Variants in ATOSA observed in about 807,000 individuals in gnomAD.
ATOSA encodes atos homolog A, also known as atos homolog protein A.
At chr15:52,643,445 C>T in the ATOSA span, among the ~76,000 whole-genome samples, 3 of 148,586 alleles carry the variant, frequency 2.0e-5, no homozygotes, top group African/African-American at 7.4e-5. Flanking sequence ...GCATGCACCA[C>T]CTCACCTGGC....
At chr15:52,636,926 A>G in the ATOSA span, among the ~76,000 whole-genome samples, 1 of 152,172 alleles carries the variant, frequency 6.6e-6, no homozygotes, top group Non-Finnish European at 1.5e-5. Flanking sequence ...GCATGCTCAG[A>G]TTAATAGTGT....
At chr15:52,600,057 C>A in the ATOSA span, 1 of 643,952 alleles carries the variant, frequency 1.6e-6, no homozygotes, top group South Asian at 2.2e-5. Flanking sequence ...AAGTTAAAGA[C>A]ATATAAAATG....
the ATOSA span, among the ~76,000 whole-genome samples, chr15:52,623,946 C>T: frequency 2.0e-5 from 3 of 152,302 alleles, no homozygotes; most frequent in South Asian, 6.2e-4. Context: ...GAAGTTTTAA[C>T]TGCTTCTCTT....
chr15:52,632,826 G>T, the ATOSA span, among the ~76,000 whole-genome samples: 2 of 152,150 alleles, frequency 1.3e-5, no homozygotes, highest in African/African-American at 4.8e-5. Flanking sequence ...GGAATGCCAT[G>T]AAGCATAAAA....
At chr15:52,593,678 T>A in the ATOSA span, 1 of 1,559,050 alleles carries the variant, frequency 6.4e-7, no homozygotes, top group Non-Finnish European at 8.7e-7. Context: ...TGCCCCTACC[T>A]CGGCAGTAAA....
chr15:52,656,985 T>A, the ATOSA span: 1 of 152,176 alleles, frequency 6.6e-6, no homozygotes, highest in African/African-American at 2.4e-5. Flanking sequence ...CATTTTTTAT[T>A]ATAATAAAAT....
chr15:52,589,478 A>G, the ATOSA span, among the ~76,000 whole-genome samples: 1 of 152,348 alleles, frequency 6.6e-6, no homozygotes, highest in African/African-American at 2.4e-5. Flanking sequence ...CCAAGTTTAT[A>G]CTTGTTTCCT....
At chr15:52,647,419 G>T in the ATOSA span, among the ~76,000 whole-genome samples, 1 of 152,162 alleles carries the variant, frequency 6.6e-6, no homozygotes, top group Non-Finnish European at 1.5e-5. Flanking sequence ...AGAGCATTTT[G>T]GCTTTGAAGT....
the ATOSA span, chr15:52,587,587 G>A: frequency 1.8e-4 from 28 of 155,592 alleles, no homozygotes; most frequent in Admixed American, 6.5e-4. Context: ...ATTGGTCTTC[G>A]GGCATGTAAA....
chr15:52,648,536 A>G, the ATOSA span: 2 of 152,148 alleles, frequency 1.3e-5, no homozygotes, highest in African/African-American at 2.4e-5. Context: ...ATAATTTCCT[A>G]TCATATTATT....
the ATOSA span, among the ~76,000 whole-genome samples, chr15:52,691,158 T>C: frequency 1.2e-4 from 19 of 152,182 alleles, no homozygotes; most frequent in Non-Finnish European, 2.1e-4. Flanking sequence ...TAGGACTCTT[T>C]AGTTATTATT....
chr15:52,687,549 T>C, the ATOSA span, among the ~76,000 whole-genome samples: 1 of 152,196 alleles, frequency 6.6e-6, no homozygotes, highest in African/African-American at 2.4e-5. Context: ...ACATATTAGC[T>C]ATATTTTGGA....
At chr15:52,665,144 T>C in the ATOSA span, among the ~76,000 whole-genome samples, 2 of 152,074 alleles carry the variant, frequency 1.3e-5, no homozygotes, top group East Asian at 1.9e-4. Context: ...ACTGAAAAAA[T>C]ACCTATGGGT....
chr15:52,660,047 T>C, the ATOSA span, among the ~76,000 whole-genome samples: 1 of 152,168 alleles, frequency 6.6e-6, no homozygotes, highest in Non-Finnish European at 1.5e-5. Flanking sequence ...ATAAAACAGT[T>C]AAATATGTTA....
At chr15:52,613,840 A>C in the ATOSA span, 6 of 1,613,624 alleles carry the variant, frequency 3.7e-6, no homozygotes, top group African/African-American at 1.3e-5. Flanking sequence ...TCATATTCAA[A>C]ATATTCATCC....
At chr15:52,593,759 A>T in the ATOSA span, 28 of 1,518,000 alleles carry the variant, frequency 1.8e-5, no homozygotes, top group Non-Finnish European at 1.9e-5. Context: ...ATAATTTTAA[A>T]AACTCAATTA....
the ATOSA span, chr15:52,656,530 C>T: frequency 1.3e-5 from 2 of 152,106 alleles, no homozygotes; most frequent in East Asian, 1.9e-4. Context: ...TTGGGACTCT[C>T]ATATTTCAAA....
the ATOSA span, among the ~76,000 whole-genome samples, chr15:52,659,661 T>C: frequency 6.6e-6 from 1 of 152,120 alleles, no homozygotes; most frequent in Non-Finnish European, 1.5e-5. Context: ...TTAATCTATA[T>C]TTAAGCTATC....
At chr15:52,647,465 A>G in the ATOSA span, among the ~76,000 whole-genome samples, 17 of 152,258 alleles carry the variant, frequency 1.1e-4, no homozygotes, top group African/African-American at 3.9e-4. Context: ...TTTTAGTCTT[A>G]AATTTTAATA....
Sources: gnomAD v4.1 joint callset for allele counts (sites outside exome capture counted in the v4.1 genomes callset) on GRCh38, gnomAD v4.1.1 for gene constraint, MANE v1.5 for transcripts, NCBI Gene and HGNC (gene_info 2026-07-23, HGNC 2026-07-21) for gene names.